Variants in CADM1 observed in about 807,000 individuals in gnomAD.
CADM1 encodes TSLC-1.
CADM1 carries 15 observed loss-of-function variants against 53.1 expected under a neutral mutation model. The ratio of observed to expected loss-of-function variants is 0.28; its 90% CI spans 0.19 to 0.44. The LOEUF (loss-of-function observed/expected upper bound fraction) is 0.44, where lower values mean the gene tolerates loss of function less well. Among genes scored for constraint, CADM1 ranks in the 20% least tolerant of loss-of-function variants. The pLI is 1.00. For missense variants in CADM1, 434 were observed against 611.3 expected (o/e 0.71, Z 3.06); for synonymous variants, 281 against 243.0 (o/e 1.16, Z -1.45).
chr11:115,353,537 T>G (rs1356347589), intron 1 of CADM1, among the ~76,000 whole-genome samples: 1 of 152,242 alleles, frequency 6.6e-6, no homozygotes, highest in African/African-American at 2.4e-5. Flanking sequence ...TATATGCCAC[T>G]CTTTGAAATC....
chr11:115,282,642 C>T (rs974001986), intron 1 of CADM1, among the ~76,000 whole-genome samples: 1 of 152,110 alleles, frequency 6.6e-6, no homozygotes, highest in African/African-American at 2.4e-5. Context: ...CAATGGTTCT[C>T]CTAGGGTGTT....
At chr11:115,233,547 T>C (rs1941901312) in intron 3 of CADM1, among the ~76,000 whole-genome samples, 1 of 152,184 alleles carries the variant, frequency 6.6e-6, no homozygotes. Context: ...TACTACTGCA[T>C]TCTGAGTGCA....
At chr11:115,232,322 A>C (rs968600674) in intron 3 of CADM1, among the ~76,000 whole-genome samples, 1 of 152,234 alleles carries the variant, frequency 6.6e-6, no homozygotes. Flanking sequence ...AACCAGTTCC[A>C]TGTAATCAAA....
intron 9 of CADM1, among the ~76,000 whole-genome samples, chr11:115,195,640 G>T (rs973222438): frequency 2.2e-4 from 33 of 152,142 alleles, no homozygotes; most frequent in Non-Finnish European, 1.2e-4. Flanking sequence ...AAGAAGTTGG[G>T]TTTTCAGCTA....
At chr11:115,375,188 G>C (rs1208944776) in intron 1 of CADM1, among the ~76,000 whole-genome samples, 3 of 152,166 alleles carry the variant, frequency 2.0e-5, no homozygotes, top group African/African-American at 7.2e-5. Flanking sequence ...TGTTGAAGTT[G>C]AGTGATAAGA....
chr11:115,389,927 G>T (rs1417063530), intron 1 of CADM1, among the ~76,000 whole-genome samples: 3 of 152,126 alleles, frequency 2.0e-5, no homozygotes, highest in Non-Finnish European at 4.4e-5. Flanking sequence ...GTGGATGTGC[G>T]ACTATCAAAA....
intron 5 of CADM1, among the ~76,000 whole-genome samples, chr11:115,225,706 C>T (rs1393433089): frequency 6.6e-6 from 1 of 152,190 alleles, no homozygotes; most frequent in Non-Finnish European, 1.5e-5. Flanking sequence ...AGGTGCAACA[C>T]TTCCTTTCTT....
At chr11:115,333,234 C>G (rs928875380) in intron 1 of CADM1, among the ~76,000 whole-genome samples, 3 of 152,182 alleles carry the variant, frequency 2.0e-5, no homozygotes, top group African/African-American at 7.2e-5. Context: ...AGGGCAATCT[C>G]TCTAAAGGAC....
chr11:115,354,726 T>C (rs1046726222), intron 1 of CADM1, among the ~76,000 whole-genome samples: 7 of 152,134 alleles, frequency 4.6e-5, no homozygotes, highest in African/African-American at 1.7e-4. Flanking sequence ...CTGAAAACTA[T>C]AGGACTATAA....
intron 1 of CADM1, among the ~76,000 whole-genome samples, chr11:115,296,002 G>A (rs1944068394): frequency 6.6e-6 from 1 of 152,130 alleles, no homozygotes; most frequent in African/African-American, 2.4e-5. Flanking sequence ...CCAAGCTGGA[G>A]TGCAGTGGTG....
At chr11:115,484,434 C>T (rs1204674495) in intron 1 of CADM1, among the ~76,000 whole-genome samples, 1 of 152,212 alleles carries the variant, frequency 6.6e-6, no homozygotes, top group Non-Finnish European at 1.5e-5. Flanking sequence ...TCCATCTATC[C>T]TCCCTCCATG....
At chr11:115,425,333 G>T (rs148738134) in intron 1 of CADM1, among the ~76,000 whole-genome samples, 1 of 152,288 alleles carries the variant, frequency 6.6e-6, no homozygotes, top group Non-Finnish European at 1.5e-5. Flanking sequence ...ATTTAACAGT[G>T]CTTCTGTATC....
At chr11:115,198,068 T>C (rs1030557357) in intron 9 of CADM1, among the ~76,000 whole-genome samples, 16 of 152,216 alleles carry the variant, frequency 1.1e-4, no homozygotes, top group African/African-American at 3.9e-4. Flanking sequence ...AATTCAGATG[T>C]TACAATTTTC....
chr11:115,178,013 T>C (rs1463127849), intron 11 of CADM1, among the ~76,000 whole-genome samples: 1 of 152,120 alleles, frequency 6.6e-6, no homozygotes, highest in African/African-American at 2.4e-5. Flanking sequence ...CAGAGCAGCA[T>C]GGGGCAGACA....
chr11:115,196,419 T>C (rs1047639485), intron 9 of CADM1, among the ~76,000 whole-genome samples: 2 of 152,032 alleles, frequency 1.3e-5, no homozygotes, highest in Non-Finnish European at 2.9e-5. Context: ...GAAAATAGAA[T>C]TCTGGAGCTT....
intron 1 of CADM1, among the ~76,000 whole-genome samples, chr11:115,253,202 TTGGACAAGC>T (rs1323334176): frequency 1.3e-5 from 2 of 152,232 alleles, no homozygotes; most frequent in African/African-American, 2.4e-5. Context: ...GGGCTGCAGG[TTGGACAAGC>T]TGGCCCTAAA....
In CADM1 at chr11:115,263,007, A is replaced by G. The variant is rs147006930; in HGVS notation, c.125-22587T>C. On this transcript the variant is annotated intron_variant, in intron 1 of 11. Transcript: ENST00000331581. The stretch of plus-strand genomic sequence containing the variant: ...ACAGTTTGAAGAGTACCGGTCAGCT[A>G]TTTTGTAGACTGTCCCTCAATCTGG... Among the ~76,000 whole-genome samples the G allele has an allele frequency of 2.8e-3, 423 of 152,340 alleles. 2 individuals carry two copies. Among genetic ancestry groups the G allele is most frequent in the African/African-American group, 9.0e-3 (374 of 41,586 alleles).
intron 1 of CADM1, among the ~76,000 whole-genome samples, chr11:115,380,645 A>G (rs2135151959): frequency 6.6e-6 from 1 of 152,362 alleles, no homozygotes; most frequent in South Asian, 2.1e-4. Flanking sequence ...TAGCATTAAA[A>G]GACTATGGCT....
At chr11:115,348,914 C>A (rs936033933) in intron 1 of CADM1, among the ~76,000 whole-genome samples, 4 of 152,126 alleles carry the variant, frequency 2.6e-5, no homozygotes, top group African/African-American at 9.7e-5. Context: ...GAGCTAGACT[C>A]AGTGCATGTA....
Sources: gnomAD v4.1 joint callset for allele counts (sites outside exome capture counted in the v4.1 genomes callset) on GRCh38, gnomAD v4.1.1 for gene constraint, MANE v1.5 for transcripts, NCBI Gene and HGNC (gene_info 2026-07-23, HGNC 2026-07-21) for gene names.